The following PPFIA2 variants were observed in gnomAD, a reference collection of about 807,000 sequenced individuals.
The protein encoded by PPFIA2 is liprin-alpha-2.
In PPFIA2, 46 loss-of-function variants were observed where a neutral mutation model predicts 175.5. The ratio of observed to expected loss-of-function variants is 0.26; its 90% CI spans 0.21 to 0.34. PPFIA2 has a LOEUF of 0.34. PPFIA2 is among the 10% of genes least tolerant of loss of function. PPFIA2 has a pLI of 1.00. For missense variants in PPFIA2, 1,179 were observed against 1,506.1 expected, an observed-to-expected ratio of 0.78 and a Z score of 3.60; for synonymous variants, 568 against 511.4, an observed-to-expected ratio of 1.11 and a Z score of -1.49.
At chr12:81,700,235 C>A (rs1306931530) in intron 3 of PPFIA2, among the ~76,000 whole-genome samples, 1 of 151,856 alleles carries the variant, frequency 6.6e-6, no homozygotes, top group Non-Finnish European at 1.5e-5. Flanking sequence ...GATGGCTAAA[C>A]CTTTATCTCT....
At chr12:81,439,610 G>C (rs1306262488) in intron 7 of PPFIA2, among the ~76,000 whole-genome samples, 3 of 152,104 alleles carry the variant, frequency 2.0e-5, no homozygotes, top group African/African-American at 7.2e-5. Context: ...TCTCCAAGGA[G>C]TTCACTTTTA....
intron 11 of PPFIA2, among the ~76,000 whole-genome samples, chr12:81,371,029 A>T (rs1040121720): frequency 6.6e-6 from 1 of 151,886 alleles, no homozygotes; most frequent in Non-Finnish European, 1.5e-5. Flanking sequence ...AATAAATTCA[A>T]ATTTAATCTA....
chr12:81,326,525 C>T (rs1026713612), intron 21 of PPFIA2, among the ~76,000 whole-genome samples: 1 of 151,926 alleles, frequency 6.6e-6, no homozygotes, highest in Non-Finnish European at 1.5e-5. Context: ...TTCTAAATTT[C>T]TTCAAAAGAG....
chr12:81,265,291 CAAAA>C (rs571821814), intron 30 of PPFIA2, among the ~76,000 whole-genome samples: 62 of 69,976 alleles, frequency 8.9e-4, no homozygotes, highest in African/African-American at 3.9e-3. Context: ...GAAACTCTGT[CAAAA>C]AAAAAAAAAA....
intron 4 of PPFIA2, among the ~76,000 whole-genome samples, chr12:81,491,413 G>A (rs2059405769): frequency 6.6e-6 from 1 of 151,854 alleles, no homozygotes; most frequent in East Asian, 1.9e-4. Flanking sequence ...AATCCCTCAT[G>A]TTTAGAGGAT....
intron 7 of PPFIA2, among the ~76,000 whole-genome samples, chr12:81,406,948 T>C: frequency 6.6e-6 from 1 of 152,192 alleles, no homozygotes; most frequent in East Asian, 1.9e-4. Context: ...TTGACACTAT[T>C]TCAATGCCAT....
intron 22 of PPFIA2, among the ~76,000 whole-genome samples, chr12:81,322,919 A>AAAAGTAGGATT (rs2053981935): frequency 6.6e-6 from 1 of 152,106 alleles, no homozygotes; most frequent in Non-Finnish European, 1.5e-5. Flanking sequence ...AAAACAAAGA[A>AAAAGTAGGATT]AAAGTAGGAT....
intron 21 of PPFIA2, among the ~76,000 whole-genome samples, chr12:81,338,815 A>G (rs2057539616): frequency 6.6e-6 from 1 of 152,110 alleles, no homozygotes; most frequent in African/African-American, 2.4e-5. Flanking sequence ...TGGCACCACG[A>G]TGAATATCAC....
Position 81,468,077 on chromosome 12 carries a change from C to T in PPFIA2, c.304-10211G>A, listed in dbSNP as rs138575244. On this transcript the variant is annotated intron_variant, in intron 4 of 32. Transcript: ENST00000549396. ...CTTTTCCTTTGACTTGCTCCATCTC[C>T]CCTTCATTTTTCTCCAATAGAAAAA... Among the ~76,000 whole-genome samples the T allele has an allele frequency of 1.2e-3, 186 of 152,256 alleles. 1 individual carries two copies. The highest frequency in any genetic ancestry group is 4.2e-3 in the African/African-American group (175 of 41,536).
intron 11 of PPFIA2, among the ~76,000 whole-genome samples, chr12:81,372,487 GGAAATATCA>G (rs1380475621): frequency 7.2e-6 from 1 of 137,940 alleles, no homozygotes; most frequent in Non-Finnish European, 1.6e-5. Flanking sequence ...TCCATAATAA[GGAAATATCA>G]GAAACAAATT....
Position 81,512,395 on chromosome 12 carries a change from C to T in PPFIA2, c.304-54529G>A, listed in dbSNP as rs766834767. The T allele has an allele frequency of 7.8e-6, 10 of 1,274,980 alleles. No individual in the cohort carries two copies. In the South Asian group the frequency reaches 1.1e-4, roughly 14 times the overall value. 79.0% of individuals were successfully genotyped at this position (1,274,980 alleles called of 1,614,324 possible). ...TTCTCTGAGCATTCTACCTTCTAAACTTTGTGATGCTGGACCCAGCCTAAA... is the reference window on the plus strand; with the variant it reads ...TTCTCTGAGCATTCTACCTTCTAAATTTTGTGATGCTGGACCCAGCCTAAA... On this transcript the variant is annotated intron_variant, in intron 4 of 32. Coordinates refer to ENST00000549396, the MANE Select transcript of PPFIA2 (RefSeq NM_003625.5).
intron 4 of PPFIA2, among the ~76,000 whole-genome samples, chr12:81,461,261 GA>G (rs1793800076): frequency 1.3e-5 from 2 of 152,000 alleles, no homozygotes; most frequent in African/African-American, 4.8e-5. Context: ...TTCAGATGAG[GA>G]CACTGAAGCT....
intron 4 of PPFIA2, among the ~76,000 whole-genome samples, chr12:81,552,016 C>T (rs2068012378): frequency 6.6e-6 from 1 of 151,198 alleles, no homozygotes; most frequent in Admixed American, 6.6e-5. Context: ...TTCAGTATAA[C>T]CAATTTAAAG....
intron 3 of PPFIA2, among the ~76,000 whole-genome samples, chr12:81,723,180 C>T (rs557145023): frequency 6.6e-6 from 1 of 150,984 alleles, no homozygotes. Context: ...GCTCTACTAA[C>T]TGCATGCAAA....
chr12:81,427,462 C>A (rs957677195), intron 7 of PPFIA2, among the ~76,000 whole-genome samples: 3 of 151,960 alleles, frequency 2.0e-5, no homozygotes, highest in African/African-American at 7.2e-5. Flanking sequence ...ACAGTAACCT[C>A]CTCTAAAATT....
intron 7 of PPFIA2, among the ~76,000 whole-genome samples, chr12:81,418,486 A>G (rs2045704681): frequency 6.6e-6 from 1 of 151,982 alleles, no homozygotes; most frequent in South Asian, 2.1e-4. Flanking sequence ...AATATTGTGT[A>G]AATTATAAGA....
intron 4 of PPFIA2, among the ~76,000 whole-genome samples, chr12:81,596,799 A>T (rs1056499060): frequency 2.6e-5 from 4 of 152,132 alleles, no homozygotes; most frequent in Non-Finnish European, 2.9e-5. Context: ...CACAATAAGC[A>T]GATCACCAGT....
At chr12:81,700,914 T>C (rs947019179) in intron 3 of PPFIA2, among the ~76,000 whole-genome samples, 3 of 152,114 alleles carry the variant, frequency 2.0e-5, no homozygotes, top group African/African-American at 7.2e-5. Flanking sequence ...TTTATTTATA[T>C]ACTATAAAAA....
At chr12:81,700,679 A>G (rs189212317) in intron 3 of PPFIA2, among the ~76,000 whole-genome samples, 26 of 152,268 alleles carry the variant, frequency 1.7e-4, no homozygotes, top group Admixed American at 3.3e-4. Flanking sequence ...AGTGTTTAGA[A>G]GGATAAAAAA....
Sources: allele counts gnomAD v4.1 joint callset (sites outside exome capture counted in the v4.1 genomes callset), GRCh38; gene constraint gnomAD v4.1.1; transcripts MANE v1.5; gene names NCBI Gene and HGNC (gene_info 2026-07-23, HGNC 2026-07-21).